Variants in COL13A1 observed in about 807,000 individuals in gnomAD.
COL13A1 encodes collagen type XIII alpha 1 chain.
Under a neutral mutation model 130.9 loss-of-function variants are expected in COL13A1, and 89 were observed. The observed-to-expected ratio is 0.68, with a 90% confidence interval of 0.57 to 0.81. COL13A1 has a LOEUF of 0.81. COL13A1 is among the 30% of genes least tolerant of loss of function. The probability of loss-of-function intolerance (pLI) is 0.00; values close to 1 mark genes in which losing one functional copy is unlikely to be tolerated. For missense variants in COL13A1, 879 were observed against 934.6 expected (o/e 0.94, Z 0.78); for synonymous variants, 402 against 341.6 (o/e 1.18, Z -1.95).
At chr10:69,915,872 G>A (rs1005659772) in intron 17 of COL13A1, among the ~76,000 whole-genome samples, 8 of 152,194 alleles carry the variant, frequency 5.3e-5, no homozygotes, top group Admixed American at 1.3e-4. Context: ...AAACTAGCAG[G>A]ACACAGAAAC....
intron 1 of COL13A1, among the ~76,000 whole-genome samples, chr10:69,816,542 G>A (rs1844565142): frequency 1.3e-5 from 2 of 152,084 alleles, no homozygotes; most frequent in African/African-American, 4.8e-5. Context: ...GGTACCCTAG[G>A]GAGCCAGTGT....
intron 2 of COL13A1, among the ~76,000 whole-genome samples, chr10:69,827,326 G>A (rs1847732678): frequency 6.6e-6 from 1 of 152,222 alleles, no homozygotes; most frequent in Non-Finnish European, 1.5e-5. Flanking sequence ...CATCCAGAGG[G>A]TGATTGATTG....
intron 18 of COL13A1, 23 bp downstream of exon 18, chr10:69,917,356 C>G: frequency 6.2e-7 from 1 of 1,606,520 alleles, no homozygotes; most frequent in Non-Finnish European, 8.5e-7. Flanking sequence ...TCCCCACATC[C>G]CAGGCAGCCC....
At chr10:69,821,657 A>G (rs1846104374) in intron 1 of COL13A1, among the ~76,000 whole-genome samples, 1 of 152,222 alleles carries the variant, frequency 6.6e-6, no homozygotes, top group African/African-American at 2.4e-5. Flanking sequence ...GAATCAAGTA[A>G]GAGTCCTTAT....
At chr10:69,842,461 T>C (rs750585924) in intron 2 of COL13A1, among the ~76,000 whole-genome samples, 9 of 152,184 alleles carry the variant, frequency 5.9e-5, no homozygotes, top group Non-Finnish European at 1.2e-4. Flanking sequence ...TAAGCCCTTA[T>C]AGGATGTCCA....
At chr10:69,928,358 C>T (rs2065654058) in intron 27 of COL13A1, among the ~76,000 whole-genome samples, 1 of 152,166 alleles carries the variant, frequency 6.6e-6, no homozygotes. Context: ...TTGGGAGACA[C>T]TCCCAGCCCC....
chr10:69,853,268 C>A (rs12220750), intron 2 of COL13A1, among the ~76,000 whole-genome samples: 6 of 151,912 alleles, frequency 3.9e-5, no homozygotes, highest in African/African-American at 1.5e-4. Context: ...CTGCACCCAC[C>A]CCCCGTCCCA....
intron 39 of COL13A1, chr10:69,954,034 TTGCCC>T (rs1358304809): frequency 6.5e-6 from 1 of 152,820 alleles, no homozygotes; most frequent in African/African-American, 2.4e-5. Context: ...TGGTATGGCA[TTGCCC>T]TTGCTTGCCT....
At chr10:69,876,144 C>G (rs920653589) in intron 5 of COL13A1, among the ~76,000 whole-genome samples, 2 of 152,228 alleles carry the variant, frequency 1.3e-5, no homozygotes, top group Admixed American at 1.3e-4. Context: ...CTTATGTTAG[C>G]TTACTCAGAC....
intron 35 of COL13A1, among the ~76,000 whole-genome samples, chr10:69,943,564 C>A (rs768775474): frequency 8.3e-6 from 1 of 121,084 alleles, no homozygotes. Context: ...CCCTAATTCA[C>A]CCCCCGATCC....
At chr10:69,868,952 C>G (rs1049533816) in intron 3 of COL13A1, among the ~76,000 whole-genome samples, 1 of 152,200 alleles carries the variant, frequency 6.6e-6, no homozygotes, top group Non-Finnish European at 1.5e-5. Flanking sequence ...CTGCTTTTCC[C>G]TGTCTCATTC....
chr10:69,932,988 T>C (rs561011461), intron 31 of COL13A1, among the ~76,000 whole-genome samples: 1 of 151,740 alleles, frequency 6.6e-6, no homozygotes, highest in Admixed American at 6.6e-5. Flanking sequence ...AATACAAAAT[T>C]AGCCAGGAGT....
At position 69,865,651 on chromosome 10, in the gene COL13A1, A is replaced by G. The variant is rs961803801; in HGVS notation, c.365-2147A>G. Among the ~76,000 whole-genome samples the G allele has an allele frequency of 2.6e-5, 4 of 152,240 alleles. No homozygotes were observed. In the East Asian group the frequency reaches 7.7e-4, roughly 29 times the overall value. On this transcript the variant is annotated intron_variant, in intron 2 of 40. Coordinates refer to ENST00000645393, the MANE Select transcript of COL13A1 (RefSeq NM_001368882.1). ...TCTGAAATCCCTGTAGGGGACAGGT[A>G]TGGGTAGTGGCAGCCTGGCTGAGCT...
At chr10:69,882,386 C>T (rs1589273786) in intron 7 of COL13A1, among the ~76,000 whole-genome samples, 2 of 150,024 alleles carry the variant, frequency 1.3e-5, no homozygotes, top group African/African-American at 4.8e-5. Context: ...TCTGCTCCTC[C>T]CGGCCTCTGC....
chr10:69,947,952 A>G (rs1302422703), intron 38 of COL13A1, among the ~76,000 whole-genome samples: 1 of 152,128 alleles, frequency 6.6e-6, no homozygotes, highest in Non-Finnish European at 1.5e-5. Flanking sequence ...GCCACATAAC[A>G]GGGGGTGGCA....
chr10:69,844,550 AT>A (rs1317866681), intron 2 of COL13A1, among the ~76,000 whole-genome samples: 1 of 152,156 alleles, frequency 6.6e-6, no homozygotes, highest in Non-Finnish European at 1.5e-5. Context: ...TCCTTGGGCC[AT>A]TGTAAGGATT....
chr10:69,838,196 T>C (rs146775560), intron 2 of COL13A1, among the ~76,000 whole-genome samples: 47 of 152,340 alleles, frequency 3.1e-4, no homozygotes, highest in Middle Eastern at 3.4e-3. Context: ...GTCCCACTTG[T>C]GTCAAAGCTA....
intron 37 of COL13A1, among the ~76,000 whole-genome samples, chr10:69,947,003 T>C (rs2068656739): frequency 6.6e-6 from 1 of 152,160 alleles, no homozygotes; most frequent in Non-Finnish European, 1.5e-5. Flanking sequence ...TTGGCCAGGA[T>C]GGTTTCGATC....
intron 1 of COL13A1, among the ~76,000 whole-genome samples, chr10:69,819,920 T>C (rs1411053461): frequency 6.6e-6 from 1 of 152,204 alleles, no homozygotes; most frequent in African/African-American, 2.4e-5. Flanking sequence ...CCTCAGATGC[T>C]CCATGAACAA....
Sources: gnomAD v4.1 joint callset for allele counts (sites outside exome capture counted in the v4.1 genomes callset) on GRCh38, gnomAD v4.1.1 for gene constraint, MANE v1.5 for transcripts, NCBI Gene and HGNC (gene_info 2026-07-23, HGNC 2026-07-21) for gene names.